PIK3R4: variants seen among roughly 807,000 people sequenced by gnomAD.
PIK3R4 encodes the protein phosphoinositide-3-kinase regulatory subunit 4, also known as phosphoinositide 3-kinase regulatory subunit 4.
Under a neutral mutation model 136.5 loss-of-function variants are expected in PIK3R4, and 46 were observed. The ratio of observed to expected loss-of-function variants is 0.34; its 90% confidence interval spans 0.27 to 0.43. The LOEUF (loss-of-function observed/expected upper bound fraction) is 0.43, where lower values mean the gene tolerates loss of function less well. PIK3R4 is among the 20% of genes least tolerant of loss of function. The pLI is 1.00. For synonymous variants in PIK3R4, 557 were observed against 566.7 expected, an observed-to-expected ratio of 0.98 and a Z score of 0.24; for missense variants, 1,331 against 1,649.5, an observed-to-expected ratio of 0.81 and a Z score of 3.35.
chr3:130,744,012 T>A (rs1191365044), intron 2 of PIK3R4, among the ~76,000 whole-genome samples: 1 of 152,210 alleles, frequency 6.6e-6, no homozygotes, highest in African/African-American at 2.4e-5. Flanking sequence ...AATGTAAATA[T>A]CATCTTTCTA....
chr3:130,686,103 C>A (rs1034321204), intron 15 of PIK3R4, 108 bp downstream of exon 15: 296 of 592,470 alleles, frequency 5.0e-4, no homozygotes, highest in South Asian at 1.6e-3. Context: ...AAAAAAAAGA[C>A]GGGAAAAATT....
intron 14 of PIK3R4, among the ~76,000 whole-genome samples, chr3:130,686,793 A>G (rs1650268808): frequency 6.6e-6 from 1 of 152,242 alleles, no homozygotes; most frequent in Non-Finnish European, 1.5e-5. Context: ...AGGATAATAC[A>G]GGGCAATATT....
rs926949888 is a variant in PIK3R4 at position 130,681,114 on chromosome 3, ATAAATGATAGTGC to A, written c.3709-62_3709-50del. On this transcript the variant is annotated intron_variant, in intron 17 of 19. Transcript: ENST00000356763. ...CAAATAAAAGACATCCGTGTATTCC[ATAAATGATAGTGC>A]TATTTCTAGAGGCAAGTTAACTGTC... The A allele has an allele frequency of 3.9e-6, 4 of 1,015,092 alleles. No homozygotes were observed. The African/African-American group carries it at 4.7e-5, about 12-fold the overall frequency. 62.9% of individuals were successfully genotyped at this position (1,015,092 alleles called of 1,614,324 possible).
intron 2 of PIK3R4, among the ~76,000 whole-genome samples, chr3:130,742,489 C>T (rs974708915): frequency 2.0e-5 from 3 of 152,148 alleles, no homozygotes; most frequent in African/African-American, 7.2e-5. Flanking sequence ...ATACACTGAT[C>T]AACAAAACTG....
In PIK3R4 at chr3:130,723,595, T is replaced by C. The variant is rs2066715730; in HGVS notation, c.1808-8A>G. 1.2e-6 allele frequency: 2 copies of C among 1,609,498 alleles called. No homozygotes were observed. Among genetic ancestry groups the C allele is most frequent in the East Asian group, 4.5e-5 (2 of 44,832 alleles). On this transcript the variant is annotated splice_region_variant and splice_polypyrimidine_tract_variant and intron_variant, in intron 6 of 19. Coordinates refer to ENST00000356763, the MANE Select transcript of PIK3R4 (RefSeq NM_014602.3). ...CAACATAGGCAGCAACACCTGGAAA[T>C]GAAAAGCAATATTATGTGATTATTC...
chr3:130,685,784 T>C (rs2066486242), intron 15 of PIK3R4, among the ~76,000 whole-genome samples: 1 of 152,132 alleles, frequency 6.6e-6, no homozygotes. Context: ...TTGAAAGGAT[T>C]AGCCCCATTT....
chr3:130,679,744 T>G (rs2066443948), intron 19 of PIK3R4, among the ~76,000 whole-genome samples: 1 of 152,132 alleles, frequency 6.6e-6, no homozygotes, highest in African/African-American at 2.4e-5. Context: ...GCATATTAAC[T>G]TTTGCCAACA....
chr3:130,740,878 C>T (rs138710629), intron 2 of PIK3R4, among the ~76,000 whole-genome samples: 7 of 152,156 alleles, frequency 4.6e-5, no homozygotes, highest in African/African-American at 1.7e-4. Context: ...GCAACCAGGG[C>T]AAAATGTTAA....
chr3:130,721,852 A>G (rs999718337), intron 7 of PIK3R4, among the ~76,000 whole-genome samples: 1 of 152,170 alleles, frequency 6.6e-6, no homozygotes, highest in Non-Finnish European at 1.5e-5. Context: ...ATTATAATTA[A>G]TAATAATGTA....
chr3:130,721,090 C>T (rs2066697209), intron 7 of PIK3R4, among the ~76,000 whole-genome samples: 1 of 151,778 alleles, frequency 6.6e-6, no homozygotes, highest in Non-Finnish European at 1.5e-5. Context: ...AATCCCAGCA[C>T]TTTGGGAGGC....
In PIK3R4 at chr3:130,703,772, C is replaced by T. The variant is rs2066592139; in HGVS notation, c.3049G>A (p.Val1017Met). The part of the protein sequence containing the change: ...LFATCSNDGT[V>M]KIWNSQKMEG... ...ATCTTTTGACTGTTCCAGATTTTCACTGTGCCATCATTTGAACATGTTGCA... is the reference window on the plus strand; with the variant it reads ...ATCTTTTGACTGTTCCAGATTTTCATTGTGCCATCATTTGAACATGTTGCA... Residue 1017 changes from valine (V) to methionine (M), a missense_variant, in exon 13 of 20, where the codon GTG becomes ATG. Coordinates refer to ENST00000356763, the MANE Select transcript of PIK3R4 (RefSeq NM_014602.3). 5 of 1,613,508 alleles carry T rather than the reference C, an allele frequency of 3.1e-6. No homozygotes were observed. Among genetic ancestry groups the T allele is most frequent in the Non-Finnish European group, 4.2e-6 (5 of 1,179,550 alleles).
At chr3:130,703,242 C>CA (rs2066589126) in intron 13 of PIK3R4, among the ~76,000 whole-genome samples, 1 of 152,202 alleles carries the variant, frequency 6.6e-6, no homozygotes, top group Admixed American at 6.5e-5. Flanking sequence ...CCACCTCGCT[C>CA]ACTTTGCTCC....
chr3:130,719,980 CA>C lies in PIK3R4; in HGVS notation c.1982-1447del, dbSNP rs1417430116. Among the ~76,000 whole-genome samples, 8 of 152,274 alleles carry C rather than the reference CA, an allele frequency of 5.3e-5. No homozygotes were observed. In the South Asian group the frequency reaches 1.7e-3, roughly 32 times the overall value. On this transcript the variant is annotated intron_variant, in intron 7 of 19. Coordinates refer to ENST00000356763, the MANE Select transcript of PIK3R4 (RefSeq NM_014602.3). Reference sequence around the variant, plus strand: ...ACAGATGAATCACAGTCATCACAGACAACCTGGAGATGCAGAACCTGAAGCA... The same window carrying C: ...ACAGATGAATCACAGTCATCACAGACACCTGGAGATGCAGAACCTGAAGCA...
intron 10 of PIK3R4, among the ~76,000 whole-genome samples, 155 bp downstream of exon 10, chr3:130,708,136 C>T (rs2066615748): frequency 6.6e-6 from 1 of 152,120 alleles, no homozygotes; most frequent in South Asian, 2.1e-4. Context: ...TATTTTTCTT[C>T]CCCAAAATCT....
chr3:130,743,674 C>T (rs535767747), intron 2 of PIK3R4, among the ~76,000 whole-genome samples: 1 of 152,278 alleles, frequency 6.6e-6, no homozygotes, highest in South Asian at 2.1e-4. Flanking sequence ...TACTAATTAT[C>T]TCTTAAGCAT....
At chr3:130,714,556 A>G (rs1410594256) in intron 9 of PIK3R4, among the ~76,000 whole-genome samples, 1 of 152,158 alleles carries the variant, frequency 6.6e-6, no homozygotes, top group Non-Finnish European at 1.5e-5. Context: ...TACGTGTGCT[A>G]TGGTGGTTTG....
chr3:130,739,063 T>C lies in PIK3R4; in HGVS notation c.734-3061A>G, dbSNP rs77448157. 7.0e-3 allele frequency among the ~76,000 whole-genome samples: 1,061 copies of C among 152,190 alleles called. 13 individuals carry two copies. The highest frequency in any genetic ancestry group is 0.024 in the African/African-American group (1,005 of 41,520). ...GGGCAGGATATTAGCACACCTTTTTTTGTTTGTTTTTTTGTTTTGTTTTGT... is the reference window on the plus strand; with the variant it reads ...GGGCAGGATATTAGCACACCTTTTTCTGTTTGTTTTTTTGTTTTGTTTTGT... On this transcript the variant is annotated intron_variant, in intron 2 of 19. Coordinates refer to ENST00000356763, the MANE Select transcript of PIK3R4 (RefSeq NM_014602.3).
chr3:130,711,371 A>C (rs2066631759), intron 9 of PIK3R4, among the ~76,000 whole-genome samples: 1 of 152,204 alleles, frequency 6.6e-6, no homozygotes, highest in African/African-American at 2.4e-5. Context: ...GGCAGAAGGA[A>C]CATAGAGTAA....
chr3:130,713,735 C>A (rs776835673), intron 9 of PIK3R4, among the ~76,000 whole-genome samples: 2 of 151,784 alleles, frequency 1.3e-5, no homozygotes, highest in African/African-American at 4.9e-5. Context: ...TGCAATGGCG[C>A]GATCTCAGCT....
Sources: gnomAD v4.1 joint callset for allele counts (sites outside exome capture counted in the v4.1 genomes callset) on GRCh38, gnomAD v4.1.1 for gene constraint, MANE v1.5 for transcripts, NCBI Gene and HGNC (gene_info 2026-07-23, HGNC 2026-07-21) for gene names.